Variants in SPRED1 observed in about 807,000 individuals in gnomAD.
SPRED1 encodes sprouty related EVH1 domain containing 1, also known as sprouty-related, EVH1 domain-containing protein 1.
In SPRED1, 18 loss-of-function variants were observed where a neutral mutation model predicts 52.3. That is an observed-to-expected ratio of 0.34 (90% confidence interval 0.24 to 0.51). The LOEUF is 0.51. SPRED1 is among the 20% of genes least tolerant of loss of function. The pLI is 0.97. For synonymous variants in SPRED1, 155 were observed against 179.7 expected (o/e 0.86, Z 1.10); for missense variants, 485 against 551.0 (o/e 0.88, Z 1.20).
intron 2 of SPRED1, among the ~76,000 whole-genome samples, chr15:38,320,196 T>C (rs1895574142): frequency 6.6e-6 from 1 of 152,228 alleles, no homozygotes; most frequent in Non-Finnish European, 1.5e-5. Context: ...AATATCTGGC[T>C]CTTGGGAGCC....
chr15:38,269,948 C>G (rs1431315546), intron 1 of SPRED1, among the ~76,000 whole-genome samples: 1 of 147,306 alleles, frequency 6.8e-6, no homozygotes, highest in African/African-American at 2.5e-5. Flanking sequence ...TGCTCTGTCT[C>G]CCAGGCTGGA....
At chr15:38,271,397 T>G (rs1238735366) in intron 1 of SPRED1, among the ~76,000 whole-genome samples, 3 of 152,198 alleles carry the variant, frequency 2.0e-5, no homozygotes, top group African/African-American at 7.2e-5. Context: ...TTCTTAGTAG[T>G]CACATTTAGT....
rs201044106 is a variant in SPRED1, at chr15:38,347,423, T to A, written c.583-1999T>A. 3.3e-5 allele frequency among the ~76,000 whole-genome samples: 5 copies of A among 150,846 alleles called. No homozygotes were observed. The East Asian group carries it at 9.8e-4, about 30-fold the overall frequency. On this transcript the variant is annotated intron_variant, in intron 5 of 6. Transcript: ENST00000299084. ...TGTAGCTCTATAATAACTTAATATT[T>A]GTAGAGAAAGTGCCTAACTTTGTTT...
At chr15:38,336,124 A>G (rs1176811276) in intron 4 of SPRED1, among the ~76,000 whole-genome samples, 1 of 151,866 alleles carries the variant, frequency 6.6e-6, no homozygotes, top group Non-Finnish European at 1.5e-5. Context: ...ATTGTATATT[A>G]TATTATTCCC....
intron 1 of SPRED1, among the ~76,000 whole-genome samples, chr15:38,288,918 C>A (rs756263189): frequency 6.6e-6 from 1 of 152,112 alleles, no homozygotes; most frequent in Non-Finnish European, 1.5e-5. Context: ...TAGAATTTTA[C>A]AGCAACAAAT....
intron 2 of SPRED1, among the ~76,000 whole-genome samples, chr15:38,305,969 T>C (rs1895243380): frequency 6.6e-6 from 1 of 152,134 alleles, no homozygotes; most frequent in Admixed American, 6.5e-5. Flanking sequence ...CTCATATCTT[T>C]CCTGCAAATA....
At chr15:38,335,671 A>G (rs1595754022) in intron 4 of SPRED1, among the ~76,000 whole-genome samples, 1 of 152,060 alleles carries the variant, frequency 6.6e-6, no homozygotes, top group Non-Finnish European at 1.5e-5. Context: ...ATCAGGCACA[A>G]TGGCCTATAC....
At position 38,352,331 on chromosome 15, in the gene SPRED1, A is replaced by G. The variant is rs1286445540; in HGVS notation, c.*667A>G. 1 of 151,938 alleles carries G rather than the reference A, an allele frequency of 6.6e-6. No individual in the cohort carries two copies. The highest frequency in any genetic ancestry group is 1.5e-5 in the Non-Finnish European group (1 of 67,912). The allele number at this position is 151,938 out of a possible 1,614,324, so 9.4% of individuals were successfully genotyped here. A position where few individuals can be genotyped will look rare whatever the true frequency, so the allele number is the denominator to read the frequency against. ...ATAATGTTTTTATTCCATGCGAATG[A>G]TTTGATATTTTCATCCTTATTTCTC... On this transcript the variant is annotated 3_prime_UTR_variant, in exon 7 of 7. Coordinates refer to ENST00000299084, the MANE Select transcript of SPRED1 (RefSeq NM_152594.3).
chr15:38,259,375 C>T (rs1894161107), intron 1 of SPRED1, among the ~76,000 whole-genome samples: 1 of 152,116 alleles, frequency 6.6e-6, no homozygotes, highest in African/African-American at 2.4e-5. Context: ...CCCACCTGTG[C>T]CTCTTAAGTA....
intron 2 of SPRED1, among the ~76,000 whole-genome samples, chr15:38,316,079 T>C (rs900003964): frequency 6.6e-6 from 1 of 152,028 alleles, no homozygotes; most frequent in Non-Finnish European, 1.5e-5. Flanking sequence ...GTCATGTTCC[T>C]GGCCTGTTCT....
At chr15:38,305,943 T>C (rs1236993009) in intron 2 of SPRED1, among the ~76,000 whole-genome samples, 1 of 152,158 alleles carries the variant, frequency 6.6e-6, no homozygotes, top group Non-Finnish European at 1.5e-5. Context: ...GTTTCATTCT[T>C]TTAATCTCTA....
At chr15:38,310,175 T>C (rs945361961) in intron 2 of SPRED1, among the ~76,000 whole-genome samples, 3 of 109,618 alleles carry the variant, frequency 2.7e-5, no homozygotes, top group Non-Finnish European at 6.0e-5. Flanking sequence ...AGTTTCGCTC[T>C]TGTTGCCCAT....
rs1290157571 is a variant in SPRED1, at chr15:38,351,669, G to T, written c.*5G>T. 1.2e-6 allele frequency: 2 copies of T among 1,610,894 alleles called. No homozygotes were observed. The highest frequency in any genetic ancestry group is 1.7e-6 in the Non-Finnish European group (2 of 1,179,932). ...AAACATAAAGCTGCTGGATGAAATG[G>T]TCCAGTGCCAAAATGAGCTTAAAAT... On this transcript the variant is annotated 3_prime_UTR_variant, in exon 7 of 7. Transcript: ENST00000299084.
intron 6 of SPRED1, among the ~76,000 whole-genome samples, chr15:38,350,807 T>C (rs1022058333): frequency 5.3e-5 from 8 of 152,180 alleles, no homozygotes; most frequent in Admixed American, 5.2e-4. Flanking sequence ...AGCCTTCAAC[T>C]GATTTTATGA....
chr15:38,350,426 A>G (rs969227001), intron 6 of SPRED1, among the ~76,000 whole-genome samples: 7 of 152,186 alleles, frequency 4.6e-5, no homozygotes, highest in African/African-American at 1.7e-4. Flanking sequence ...AAGGCTCTAT[A>G]TCCAAATACA....
intron 1 of SPRED1, among the ~76,000 whole-genome samples, chr15:38,256,649 G>A (rs906327436): frequency 2.0e-5 from 3 of 152,094 alleles, no homozygotes; most frequent in African/African-American, 7.2e-5. Context: ...AACGTACTAT[G>A]TTGTAATCTG....
chr15:38,257,613 T>C lies in SPRED1; in HGVS notation c.32+4396T>C, dbSNP rs536744179. On this transcript the variant is annotated intron_variant, in intron 1 of 6. Transcript: ENST00000299084. The stretch of plus-strand genomic sequence containing the variant: ...CTTGGCCTCTGAGTTATGTGGTGTA[T>C]CTGAAGACCCGTGTTATATCCACAA... 1.8e-4 allele frequency among the ~76,000 whole-genome samples: 27 copies of C among 152,324 alleles called. No homozygotes were observed. In the East Asian group the frequency reaches 3.7e-3, roughly 21 times the overall value.
intron 5 of SPRED1, among the ~76,000 whole-genome samples, chr15:38,344,661 C>T (rs1025222058): frequency 3.8e-4 from 58 of 152,188 alleles, no homozygotes; most frequent in African/African-American, 1.2e-3. Context: ...TTCTTTGTAG[C>T]TTAGTATCCT....
chr15:38,253,819 A>G (rs980051198), intron 1 of SPRED1, among the ~76,000 whole-genome samples: 4 of 152,178 alleles, frequency 2.6e-5, no homozygotes, highest in African/African-American at 7.2e-5. Context: ...GGCGATGTTG[A>G]GCTAGAGTTT....
Sources: gnomAD v4.1 joint callset for allele counts (sites outside exome capture counted in the v4.1 genomes callset) on GRCh38, gnomAD v4.1.1 for gene constraint, MANE v1.5 for transcripts, NCBI Gene and HGNC (gene_info 2026-07-23, HGNC 2026-07-21) for gene names.